The following ITGBL1 variants were observed in gnomAD, a reference collection of about 807,000 sequenced individuals.
ITGBL1 encodes integrin beta-like protein 1.
In ITGBL1, 51 loss-of-function variants were observed where a neutral mutation model predicts 68.5. The ratio of observed to expected loss-of-function variants is 0.74; its 90% CI spans 0.59 to 0.94. The LOEUF (loss-of-function observed/expected upper bound fraction) is 0.94, where lower values mean the gene tolerates loss of function less well. ITGBL1 is among the 40% of genes least tolerant of loss of function. The pLI, the probability that ITGBL1 is intolerant of heterozygous loss-of-function variation, is 0.00. For missense variants in ITGBL1, 649 were observed against 647.4 expected (o/e 1.00, Z -0.03); for synonymous variants, 209 against 227.3 (o/e 0.92, Z 0.72).
Position 101,715,652 on chromosome 13 carries a change from TAAC to T in ITGBL1, c.*1_*3del. The T allele has an allele frequency of 6.3e-7, 1 of 1,598,550 alleles. No individual in the cohort carries two copies. Among genetic ancestry groups the T allele is most frequent in the East Asian group, 2.2e-5 (1 of 44,774 alleles). On this transcript the variant is annotated stop_retained_variant and 3_prime_UTR_variant, in exon 11 of 11. Coordinates refer to ENST00000376180, the MANE Select transcript of ITGBL1 (RefSeq NM_004791.3). ...AATCTGGCTTGGCTCAGAATATCCT[TAAC>T]AATTACATGAGAGAGGTCTGGATTC...
intron 2 of ITGBL1, among the ~76,000 whole-genome samples, chr13:101,474,006 C>G (rs775569189): frequency 6.6e-6 from 1 of 152,146 alleles, no homozygotes; most frequent in Non-Finnish European, 1.5e-5. Flanking sequence ...TGTGATCCAA[C>G]ATATTTCAAG....
At chr13:101,575,971 G>A (rs1022055918) in intron 4 of ITGBL1, among the ~76,000 whole-genome samples, 3 of 152,046 alleles carry the variant, frequency 2.0e-5, no homozygotes, top group Admixed American at 1.3e-4. Context: ...TTAGCCTAGA[G>A]TTTACCTCCC....
chr13:101,625,102 G>C, intron 7 of ITGBL1, among the ~76,000 whole-genome samples: 1 of 152,132 alleles, frequency 6.6e-6, no homozygotes, highest in South Asian at 2.1e-4. Flanking sequence ...TGATGCAATT[G>C]CAACTCTTGA....
At chr13:101,453,862 G>A (rs2048198389) in intron 1 of ITGBL1, 21 bp from the exon 2 acceptor site, 1 of 1,233,666 alleles carries the variant, frequency 8.1e-7, no homozygotes, top group Non-Finnish European at 1.0e-6. Context: ...CCGGCCTGCC[G>A]GTTGCTTGTC....
chr13:101,454,228 G>T lies in ITGBL1; in HGVS notation c.316+128G>T, dbSNP rs141776098. ...ACATAAGCACCAATTAAGTTACTGC[G>T]ATTGTCACACTTTGGCTAGTTAATT... On this transcript the variant is annotated intron_variant, in intron 2 of 10. Coordinates refer to ENST00000376180, the MANE Select transcript of ITGBL1 (RefSeq NM_004791.3). 1.8e-3 allele frequency: 920 copies of T among 515,016 alleles called. 6 individuals are homozygous for T. The highest frequency in any genetic ancestry group is 0.017 in the African/African-American group (839 of 50,788). The allele number at this position is 515,016 out of a possible 1,614,324, so 31.9% of individuals were successfully genotyped here. A position where few individuals can be genotyped will look rare whatever the true frequency, so the allele number is the denominator to read the frequency against.
downstream of ITGBL1, chr13:101,720,558 G>GTGTGTA (rs2034904714): frequency 1.3e-5 from 2 of 150,952 alleles, no homozygotes; most frequent in Admixed American, 1.3e-4. Flanking sequence ...GTGTGTGTGT[G>GTGTGTA]TGTGTGTATA....
At chr13:101,680,384 A>G (rs1399840256) in intron 7 of ITGBL1, among the ~76,000 whole-genome samples, 1 of 152,096 alleles carries the variant, frequency 6.6e-6, no homozygotes, top group East Asian at 1.9e-4. Flanking sequence ...CCAACTATTG[A>G]GCACATACTG....
At chr13:101,570,541 T>G (rs1026604498) in intron 3 of ITGBL1, among the ~76,000 whole-genome samples, 6 of 152,124 alleles carry the variant, frequency 3.9e-5, no homozygotes, top group Non-Finnish European at 8.8e-5. Flanking sequence ...GTCAAAAAAG[T>G]AGATTGAAGC....
chr13:101,663,891 C>T (rs2033148067), intron 7 of ITGBL1, among the ~76,000 whole-genome samples: 1 of 152,076 alleles, frequency 6.6e-6, no homozygotes, highest in Non-Finnish European at 1.5e-5. Context: ...CATTAATGTT[C>T]AAGGTGGCCT....
chr13:101,581,922 C>T (rs562698787), intron 5 of ITGBL1, among the ~76,000 whole-genome samples: 2 of 152,296 alleles, frequency 1.3e-5, no homozygotes, highest in Admixed American at 6.5e-5. Context: ...ACACCTTTAC[C>T]GAGTCTGGAT....
At chr13:101,691,137 C>A (rs1193025831) in intron 7 of ITGBL1, among the ~76,000 whole-genome samples, 2 of 152,080 alleles carry the variant, frequency 1.3e-5, no homozygotes, top group African/African-American at 4.8e-5. Flanking sequence ...AGAATAAAAG[C>A]CCTGACCAAG....
chr13:101,583,395 G>A (rs1232676454), intron 6 of ITGBL1, 39 bp downstream of exon 6: 1 of 1,417,140 alleles, frequency 7.1e-7, no homozygotes, highest in Non-Finnish European at 9.3e-7. Flanking sequence ...TGGAGGGGGA[G>A]GTGGGGCTTG....
intron 2 of ITGBL1, among the ~76,000 whole-genome samples, chr13:101,527,237 T>A (rs1337876240): frequency 2.0e-5 from 3 of 152,154 alleles, no homozygotes; most frequent in Admixed American, 2.0e-4. Context: ...TATTTCCTCA[T>A]GTCCCTTGAC....
chr13:101,683,518 T>C (rs1338148959), intron 7 of ITGBL1, among the ~76,000 whole-genome samples: 1 of 152,070 alleles, frequency 6.6e-6, no homozygotes, highest in Non-Finnish European at 1.5e-5. Flanking sequence ...TTGCTAAGAA[T>C]AATGTTGCTA....
At chr13:101,614,336 A>G (rs1026067822) in intron 7 of ITGBL1, among the ~76,000 whole-genome samples, 2 of 152,148 alleles carry the variant, frequency 1.3e-5, no homozygotes, top group African/African-American at 4.8e-5. Flanking sequence ...CCATGGTGAT[A>G]TTTAATAATA....
chr13:101,626,959 G>T (rs983573006), intron 7 of ITGBL1, among the ~76,000 whole-genome samples: 2 of 152,174 alleles, frequency 1.3e-5, no homozygotes, highest in African/African-American at 4.8e-5. Context: ...GGAGGCAGAA[G>T]ATCTGAGTGA....
Position 101,655,647 on chromosome 13 carries a change from T to C in ITGBL1, c.1016-36938T>C, listed in dbSNP as rs574255174. 3.7e-4 allele frequency among the ~76,000 whole-genome samples: 56 copies of C among 152,332 alleles called. 1 individual carries two copies. Among genetic ancestry groups the C allele is most frequent in the Admixed American group, 3.3e-4 (5 of 15,298 alleles). ...TAATGCTAGATCTTATCTCTTGACA[T>C]TTAAAACATCCACTCTTCCTGCCAA... On this transcript the variant is annotated intron_variant, in intron 7 of 10. Transcript: ENST00000376180.
intron 2 of ITGBL1, among the ~76,000 whole-genome samples, chr13:101,551,452 G>A (rs993756471): frequency 6.6e-6 from 1 of 152,154 alleles, no homozygotes. Flanking sequence ...AGAAGTCAAG[G>A]CTCCTTGAAA....
At chr13:101,555,698 A>G (rs140824158) in intron 2 of ITGBL1, among the ~76,000 whole-genome samples, 2 of 139,802 alleles carry the variant, frequency 1.4e-5, no homozygotes, top group Non-Finnish European at 3.1e-5. Context: ...GTGTGTGTGT[A>G]TGTTTTATAT....
Sources: gnomAD v4.1 joint callset for allele counts (sites outside exome capture counted in the v4.1 genomes callset) on GRCh38, gnomAD v4.1.1 for gene constraint, MANE v1.5 for transcripts, NCBI Gene and HGNC (gene_info 2026-07-23, HGNC 2026-07-21) for gene names.